The following TAF3 variants were observed in gnomAD, a reference collection of about 807,000 sequenced individuals.
TAF3 encodes transcription initiation factor TFIID subunit 3.
TAF3 carries 7 observed loss-of-function variants against 80.6 expected under a neutral mutation model. That is an observed-to-expected ratio of 0.09 (90% CI 0.05 to 0.16). The LOEUF (loss-of-function observed/expected upper bound fraction) is 0.16, where lower values mean the gene tolerates loss of function less well. Ranked by LOEUF, TAF3 falls within the 10% of genes least tolerant of loss-of-function variation. The pLI is 1.00. For missense variants in TAF3, 921 were observed against 1,140.2 expected, an observed-to-expected ratio of 0.81 and a Z score of 2.77; for synonymous variants, 444 against 446.1, an observed-to-expected ratio of 1.00 and a Z score of 0.06.
At chr10:7,992,935 A>G (rs1252170594) in intron 4 of TAF3, among the ~76,000 whole-genome samples, 1 of 152,190 alleles carries the variant, frequency 6.6e-6, no homozygotes, top group African/African-American at 2.4e-5. Context: ...TTTCACCTCT[A>G]TATTCTTCAG....
At chr10:7,870,933 A>G (rs1164109329) in intron 2 of TAF3, among the ~76,000 whole-genome samples, 1 of 152,182 alleles carries the variant, frequency 6.6e-6, no homozygotes, top group Admixed American at 6.5e-5. Flanking sequence ...AAAGCTATTA[A>G]GTTCTTATAT....
intron 4 of TAF3, among the ~76,000 whole-genome samples, chr10:7,996,278 A>G (rs1304276336): frequency 3.3e-5 from 5 of 152,192 alleles, no homozygotes; most frequent in Non-Finnish European, 7.3e-5. Flanking sequence ...AGCTGTCGGC[A>G]GGAGGCTCCG....
intron 2 of TAF3, among the ~76,000 whole-genome samples, chr10:7,874,299 T>G (rs1485362220): frequency 6.6e-6 from 1 of 152,198 alleles, no homozygotes; most frequent in Non-Finnish European, 1.5e-5. Context: ...GGCTAATTAT[T>G]TTTAAAGAAA....
chr10:7,930,150 G>C (rs894221295), intron 2 of TAF3, among the ~76,000 whole-genome samples: 9 of 152,284 alleles, frequency 5.9e-5, no homozygotes, highest in African/African-American at 2.2e-4. Flanking sequence ...AGTGAACCGT[G>C]ATTGTGGTAC....
At chr10:7,941,853 T>C (rs1171688605) in intron 2 of TAF3, among the ~76,000 whole-genome samples, 1 of 152,180 alleles carries the variant, frequency 6.6e-6, no homozygotes, top group African/African-American at 2.4e-5. Context: ...GGGAGAGACA[T>C]CCTTGTGTTG....
Position 7,965,199 on chromosome 10 carries a change from G to GAAAGAT in TAF3, c.1694_1695insTAAAGA (p.Asp565_Lys566dup). 6.2e-7 allele frequency: 1 copy of GAAAGAT among 1,605,876 alleles called. No individual in the cohort carries two copies. Among genetic ancestry groups the GAAAGAT allele is most frequent in the Non-Finnish European group, 8.5e-7 (1 of 1,178,034 alleles). On this transcript the variant is annotated inframe_insertion, in exon 3 of 7. Transcript: ENST00000344293. Reference sequence around the variant, plus strand: ...AGAAGGATAAAGTGAAAGAGAAAGAGAAAGACAAGGAAACTGGCAGGGAAA... The same window carrying GAAAGAT: ...AGAAGGATAAAGTGAAAGAGAAAGAGAAAGATAAAGACAAGGAAACTGGCAGGGAAA...
At chr10:8,013,515 G>A (rs928079214) in intron 5 of TAF3, among the ~76,000 whole-genome samples, 3 of 152,080 alleles carry the variant, frequency 2.0e-5, no homozygotes, top group African/African-American at 7.2e-5. Flanking sequence ...CGTTAGAAAT[G>A]CCTTATCATT....
At chr10:7,968,121 A>G (rs1056506629) in intron 3 of TAF3, among the ~76,000 whole-genome samples, 1 of 152,198 alleles carries the variant, frequency 6.6e-6, no homozygotes, top group African/African-American at 2.4e-5. Flanking sequence ...GAAGTAAGGC[A>G]CCAAAGGTTA....
At chr10:7,963,670 G>A (rs1445374244) in intron 2 of TAF3, among the ~76,000 whole-genome samples, 1 of 152,058 alleles carries the variant, frequency 6.6e-6, no homozygotes, top group Non-Finnish European at 1.5e-5. Flanking sequence ...GAGGTCGGGG[G>A]CTGGGGGAGG....
chr10:7,966,677 C>T (rs1306033059), intron 3 of TAF3, among the ~76,000 whole-genome samples: 2 of 152,168 alleles, frequency 1.3e-5, no homozygotes, highest in African/African-American at 2.4e-5. Context: ...CAAAATAATA[C>T]CCAGTAGTTT....
At chr10:7,961,437 T>C (rs370732059) in intron 2 of TAF3, among the ~76,000 whole-genome samples, 1 of 152,364 alleles carries the variant, frequency 6.6e-6, no homozygotes. Flanking sequence ...CTCATCCTCG[T>C]TGACCTCTTA....
intron 2 of TAF3, among the ~76,000 whole-genome samples, chr10:7,948,665 T>C (rs1838050834): frequency 1.3e-5 from 2 of 152,190 alleles, no homozygotes; most frequent in African/African-American, 4.8e-5. Flanking sequence ...GGCTGCCTCC[T>C]AAATAGGAAG....
chr10:7,897,405 TC>T (rs1352292472), intron 2 of TAF3, among the ~76,000 whole-genome samples: 1 of 152,238 alleles, frequency 6.6e-6, no homozygotes. Flanking sequence ...GAAATTCTGA[TC>T]CGTTCTGAAT....
intron 2 of TAF3, among the ~76,000 whole-genome samples, chr10:7,884,976 G>C (rs765949812): frequency 1.3e-5 from 2 of 148,982 alleles, no homozygotes; most frequent in South Asian, 2.1e-4. Flanking sequence ...AATATATCTG[G>C]AGTTTAATTT....
chr10:7,880,286 G>T (rs1837348347), intron 2 of TAF3, among the ~76,000 whole-genome samples: 1 of 152,110 alleles, frequency 6.6e-6, no homozygotes, highest in Non-Finnish European at 1.5e-5. Flanking sequence ...TAGACTTTTT[G>T]GGGAAATAAC....
In TAF3 at chr10:7,963,788, C is replaced by T. The variant is rs200457204; in HGVS notation, c.410-132C>T. The T allele has an allele frequency of 7.7e-5, 73 of 942,088 alleles. 1 individual carries two copies. The East Asian group carries it at 2.0e-3, about 25-fold the overall frequency. The allele number at this position is 942,088 out of a possible 1,614,324, so 58.4% of individuals were successfully genotyped here. ...CAAACCTGCATGTTGTGCCCATGTA[C>T]CCTAGAACTTAAAGTATAATAATAA... is the stretch of plus-strand genomic sequence containing the variant. On this transcript the variant is annotated intron_variant, in intron 2 of 6. Transcript: ENST00000344293.
intron 4 of TAF3, among the ~76,000 whole-genome samples, chr10:7,984,819 T>A (rs1039101885): frequency 2.0e-5 from 3 of 152,224 alleles, no homozygotes; most frequent in African/African-American, 7.2e-5. Context: ...AGAGATAATT[T>A]AGCTGTATCA....
chr10:8,003,625 A>G (rs1831965591), intron 4 of TAF3, among the ~76,000 whole-genome samples: 1 of 152,260 alleles, frequency 6.6e-6, no homozygotes, highest in Non-Finnish European at 1.5e-5. Flanking sequence ...ATAAGAAACT[A>G]TCATTTGTTG....
chr10:7,857,051 C>G (rs966024768), intron 2 of TAF3, among the ~76,000 whole-genome samples: 1 of 152,200 alleles, frequency 6.6e-6, no homozygotes, highest in African/African-American at 2.4e-5. Flanking sequence ...AAGCAAACCA[C>G]TGTTACAACT....
Sources: allele counts gnomAD v4.1 joint callset (sites outside exome capture counted in the v4.1 genomes callset), GRCh38; gene constraint gnomAD v4.1.1; transcripts MANE v1.5; gene names NCBI Gene and HGNC (gene_info 2026-07-23, HGNC 2026-07-21).